TP73: variants seen among roughly 807,000 people sequenced by gnomAD.
TP73 encodes tumor protein p73.
In TP73, 25 loss-of-function variants were observed where a neutral mutation model predicts 62.5. That is an observed-to-expected ratio of 0.40 (90% CI 0.29 to 0.56). The LOEUF is 0.56. Ranked by LOEUF, TP73 falls within the 20% of genes least tolerant of loss-of-function variation. TP73 has a pLI of 0.46. For synonymous variants in TP73, 423 were observed against 377.5 expected, an observed-to-expected ratio of 1.12 and a Z score of -1.40; for missense variants, 754 against 913.3, an observed-to-expected ratio of 0.83 and a Z score of 2.25.
At chr1:3,693,386 C>A (rs1160251167) in intron 3 of TP73, among the ~76,000 whole-genome samples, 3 of 152,196 alleles carry the variant, frequency 2.0e-5, no homozygotes, top group Non-Finnish European at 4.4e-5. Context: ...CTGGGCCAGC[C>A]TGGCCCTGGG....
chr1:3,691,662 C>T (rs1645835260), intron 3 of TP73, among the ~76,000 whole-genome samples: 2 of 152,160 alleles, frequency 1.3e-5, no homozygotes, highest in South Asian at 2.1e-4. Context: ...GCCAGGCAGG[C>T]ACCAGCTGCT....
At position 3,707,819 on chromosome 1, in the gene TP73, C is replaced by A. The variant is rs777384076; in HGVS notation, c.429+28C>A. On this transcript the variant is annotated intron_variant, in intron 4 of 13. Transcript: ENST00000378295. ...GAGTTCCCCTAGTCCCTGAGGGCTG[C>A]GGGCTGCGGGCTGCGGGCTGGAGAG... is the stretch of plus-strand genomic sequence containing the variant. The A allele has an allele frequency of 2.5e-6, 4 of 1,590,398 alleles. No homozygotes were observed. In the Admixed American group the frequency reaches 5.2e-5, roughly 21 times the overall value.
chr1:3,699,313 C>A lies in TP73; in HGVS notation c.187-8236C>A, dbSNP rs147774807. Among the ~76,000 whole-genome samples, 39 of 152,238 alleles carry A rather than the reference C, an allele frequency of 2.6e-4. No homozygotes were observed. In the East Asian group the frequency reaches 6.2e-3, roughly 24 times the overall value. On this transcript the variant is annotated intron_variant, in intron 3 of 13. Transcript: ENST00000378295. The surrounding 1 kb of genome is among the most constrained non-coding windows in gnomAD (Gnocchi z 4.1). ...CACTCACCCCTGGGTGAGGTTGGGG[C>A]CCAAGTTCAGACATGCCCACGAGAG...
rs778765225 is a variant in TP73, at chr1:3,728,193, A to C, written c.1050A>C (p.Gly350=). Residue 350 remains glycine (G), a synonymous_variant, in exon 9 of 14, where the codon GGA becomes GGC. Coordinates refer to ENST00000378295, the MANE Select transcript of TP73 (RefSeq NM_005427.4). ...LGAGVKKRRH[G]DEDTYYLQVR... ...CCGGTGTGAAGAAGCGGCGGCATGG[A>C]GACGAGGACACGTACTACCTTCAGG... is the stretch of plus-strand genomic sequence containing the variant. 1.1e-5 allele frequency: 17 copies of C among 1,611,962 alleles called. No homozygotes were observed. In the South Asian group the frequency reaches 1.8e-4, roughly 17 times the overall value.
chr1:3,735,501 T>G lies in TP73; in HGVS notation c.*2422T>G, dbSNP rs2124564741. On this transcript the variant is annotated 3_prime_UTR_variant, in exon 14 of 14. Coordinates refer to ENST00000378295, the MANE Select transcript of TP73 (RefSeq NM_005427.4). ...GCAGCCAGATGGCCCCAGCTGCACCTGTCTAGGGAGCCCATGCAGCCTCCT... is the reference window on the plus strand; with the variant it reads ...GCAGCCAGATGGCCCCAGCTGCACCGGTCTAGGGAGCCCATGCAGCCTCCT... 6.6e-6 allele frequency: 1 copy of G among 152,314 alleles called. No individual in the cohort carries two copies. The allele number at this position is 152,314 out of a possible 1,614,324, so 9.4% of individuals were successfully genotyped here.
chr1:3,697,418 A>G (rs938843311), intron 3 of TP73, among the ~76,000 whole-genome samples: 4 of 151,362 alleles, frequency 2.6e-5, no homozygotes, highest in Admixed American at 6.6e-5. Flanking sequence ...GCCTGGAAAC[A>G]CCCCCAGGCC....
Position 3,706,445 on chromosome 1 carries a change from C to T in TP73, c.187-1104C>T, listed in dbSNP as rs376641997. ...GGGAGGGGGGTAATAGGGACAATCA[C>T]GGTGCCCGCCGCAGGCCCGGGGAGA... On this transcript the variant is annotated intron_variant, in intron 3 of 13. Transcript: ENST00000378295. Among the ~76,000 whole-genome samples, 74 of 109,514 alleles carry T rather than the reference C, an allele frequency of 6.8e-4. 1 individual carries two copies. The highest frequency in any genetic ancestry group is 2.2e-3 in the South Asian group (7 of 3,144). 71.8% of individuals were successfully genotyped at this position (109,514 alleles called of 152,430 possible).
At chr1:3,723,734 G>C (rs1641289343) in intron 6 of TP73, among the ~76,000 whole-genome samples, 1 of 152,370 alleles carries the variant, frequency 6.6e-6, no homozygotes, top group Non-Finnish European at 1.5e-5. Context: ...CAGCTCCATA[G>C]TGGGGAGTGG....
At chr1:3,721,941 G>A (rs918341703) in intron 4 of TP73, 80 bp from the exon 5 acceptor site, 82 of 1,432,586 alleles carry the variant, frequency 5.7e-5, no homozygotes, top group Admixed American at 5.2e-4. Flanking sequence ...TGGGGAGGAC[G>A]TGGCTCCCAA....
intron 1 of TP73, among the ~76,000 whole-genome samples, chr1:3,653,085 G>A (rs563966201): frequency 1.3e-5 from 2 of 152,372 alleles, no homozygotes; most frequent in South Asian, 4.1e-4. Context: ...CTGCAGGGCT[G>A]TGCCAATCCC....
intron 1 of TP73, among the ~76,000 whole-genome samples, chr1:3,679,644 GTC>G (rs377716448): frequency 8.3e-5 from 12 of 144,444 alleles, no homozygotes; most frequent in African/African-American, 1.6e-4. Flanking sequence ...CTCTGTCTCT[GTC>G]TCTCTCTCTC....
chr1:3,702,617 T>C (rs1252320417), intron 3 of TP73, among the ~76,000 whole-genome samples: 1 of 152,200 alleles, frequency 6.6e-6, no homozygotes, highest in African/African-American at 2.4e-5. Flanking sequence ...AGAGCACTCC[T>C]GCCCCGCAAC....
At chr1:3,682,155 G>A (rs952451476) in intron 1 of TP73, among the ~76,000 whole-genome samples, 178 bp from the exon 2 acceptor site, 12 of 152,180 alleles carry the variant, frequency 7.9e-5, no homozygotes, top group African/African-American at 2.2e-4. Flanking sequence ...GTTTCCAGCC[G>A]CGGGGAACAG....
At chr1:3,659,872 G>A (rs755176085) in intron 1 of TP73, among the ~76,000 whole-genome samples, 2 of 152,052 alleles carry the variant, frequency 1.3e-5, no homozygotes, top group Non-Finnish European at 2.9e-5. Flanking sequence ...TAGAGACAGG[G>A]TTTTGCCATG....
Position 3,701,866 on chromosome 1 carries a change from G to A in TP73, c.187-5683G>A, listed in dbSNP as rs1196299340. Among the ~76,000 whole-genome samples, 1 of 152,212 alleles carries A rather than the reference G, an allele frequency of 6.6e-6. No homozygotes were observed. The highest frequency in any genetic ancestry group is 1.5e-5 in the Non-Finnish European group (1 of 68,038). ...TGAGAAAACGAAGACCTAGGGAGGT[G>A]GAGCGATGGGCCAGGTTACACAGGT... On this transcript the variant is annotated intron_variant, in intron 3 of 13. Transcript: ENST00000378295. The surrounding 1 kb of genome is among the most constrained non-coding windows in gnomAD (Gnocchi z 4.7).
chr1:3,712,368 C>G (rs11808081), intron 4 of TP73: 1 of 152,158 alleles, frequency 6.6e-6, no homozygotes, highest in Non-Finnish European at 1.5e-5. Flanking sequence ...CCTCGGGGCT[C>G]GTGGCCCGAG....
At chr1:3,715,936 T>A (rs1338740435) in intron 4 of TP73, among the ~76,000 whole-genome samples, 1 of 151,892 alleles carries the variant, frequency 6.6e-6, no homozygotes, top group African/African-American at 2.4e-5. Context: ...AGGCTCCAGC[T>A]CCTGTGGTCT....
rs3835398 is a variant in TP73 at position 3,705,752 on chromosome 1, GGAGGACTCAGTA to G, written c.187-1786_187-1775del. Among the ~76,000 whole-genome samples the G allele has an allele frequency of 7.9e-5, 12 of 152,360 alleles. No individual in the cohort carries two copies. The East Asian group carries it at 2.3e-3, about 29-fold the overall frequency. On this transcript the variant is annotated intron_variant, in intron 3 of 13. Coordinates refer to ENST00000378295, the MANE Select transcript of TP73 (RefSeq NM_005427.4). The stretch of plus-strand genomic sequence containing the variant: ...GCCTCCACGTTGGACTGCACTCAGT[GGAGGACTCAGTA>G]GAGGACTCAGAGAGGACGCAAACTC...
chr1:3,654,482 T>C (rs1644824437), intron 1 of TP73, among the ~76,000 whole-genome samples: 1 of 152,236 alleles, frequency 6.6e-6, no homozygotes, highest in Admixed American at 6.5e-5. Context: ...CTCTTCCCCA[T>C]TTACTCCAGC....
Sources: gnomAD v4.1 joint callset for allele counts (sites outside exome capture counted in the v4.1 genomes callset) on GRCh38, gnomAD v4.1.1 for gene constraint, Gnocchi (gnomAD v3.1) non-coding constraint, MANE v1.5 for transcripts, NCBI Gene and HGNC (gene_info 2026-07-23, HGNC 2026-07-21) for gene names.